TTLL6: variants seen among roughly 807,000 people sequenced by gnomAD.
TTLL6 encodes tubulin polyglutamylase TTLL6.
TTLL6 carries 75 observed loss-of-function variants against 96.4 expected under a neutral mutation model. The observed-to-expected ratio is 0.78, with a 90% CI of 0.65 to 0.94. The LOEUF (loss-of-function observed/expected upper bound fraction) is 0.94, where lower values mean the gene tolerates loss of function less well. Ranked by LOEUF, TTLL6 falls within the 40% of genes least tolerant of loss-of-function variation. The pLI, the probability that TTLL6 is intolerant of heterozygous loss-of-function variation, is 0.00. For missense variants in TTLL6, 1,030 were observed against 1,093.0 expected (o/e 0.94, Z 0.81); for synonymous variants, 411 against 419.4 (o/e 0.98, Z 0.24).
At chr17:48,807,263 T>A (rs2039519137) in intron 1 of TTLL6, among the ~76,000 whole-genome samples, 2 of 149,918 alleles carry the variant, frequency 1.3e-5, no homozygotes, top group Non-Finnish European at 3.0e-5. Flanking sequence ...GCTAGTTTTG[T>A]ATTTTTAGTA....
chr17:48,787,659 G>A (rs1023616153), intron 11 of TTLL6, 152 bp downstream of exon 11: 3 of 674,326 alleles, frequency 4.4e-6, no homozygotes, highest in Non-Finnish European at 7.3e-6. Context: ...GCCTCCTAAA[G>A]TGCTAGGACT....
chr17:48,806,606 A>G (rs1323736428), intron 1 of TTLL6, among the ~76,000 whole-genome samples: 1 of 152,062 alleles, frequency 6.6e-6, no homozygotes, highest in African/African-American at 2.4e-5. Context: ...ATACATTACA[A>G]TGTATTATCA....
At chr17:48,801,153 G>T (rs2039404769) in intron 5 of TTLL6, 102 bp downstream of exon 5, 2 of 1,047,852 alleles carry the variant, frequency 1.9e-6, no homozygotes, top group Non-Finnish European at 2.8e-6. Flanking sequence ...AGAGATGGGA[G>T]TTCATATGGG....
In TTLL6 at chr17:48,810,866, G is replaced by GTATATATATATATATATATATATATATA. The variant is rs2039579731; in HGVS notation, c.104-5876_104-5875insTATATATATATATATATATATATATATA. On this transcript the variant is annotated intron_variant, in intron 1 of 15. Transcript: ENST00000393382. ...ATATATATATATATAGTATGTGTGTGTATATATATGTAGTTGCCAACAACT... is the reference window on the plus strand; with the variant it reads ...ATATATATATATATAGTATGTGTGTGTATATATATATATATATATATATATATATATATATATGTAGTTGCCAACAACT... 4.5e-5 allele frequency among the ~76,000 whole-genome samples: 6 copies of GTATATATATATATATATATATATATATA among 132,144 alleles called. No homozygotes were observed. In the East Asian group the frequency reaches 1.2e-3, roughly 27 times the overall value. 86.7% of individuals were successfully genotyped at this position (132,144 alleles called of 152,430 possible). A position where few individuals can be genotyped will look rare whatever the true frequency, so the allele number is the denominator to read the frequency against.
At chr17:48,764,915 C>T (rs960738472) in intron 15 of TTLL6, among the ~76,000 whole-genome samples, 4 of 152,246 alleles carry the variant, frequency 2.6e-5, no homozygotes, top group Middle Eastern at 3.4e-3. Flanking sequence ...AATGCCTCCA[C>T]TGAAGAGCCA....
At chr17:48,763,293 A>G (rs2038525191) in intron 15 of TTLL6, among the ~76,000 whole-genome samples, 1 of 152,152 alleles carries the variant, frequency 6.6e-6, no homozygotes, top group Non-Finnish European at 1.5e-5. Flanking sequence ...TTGGAAAGAG[A>G]CAACAACAAT....
Position 48,807,605 on chromosome 17 carries a change from G to A in TTLL6, c.104-2614C>T, listed in dbSNP as rs148602049. ...CGGCTCACTGCAACCTCTGCCTCCT[G>A]GGTTCAAGCAATTCTTGTACTTCGG... is the stretch of plus-strand genomic sequence containing the variant. On this transcript the variant is annotated intron_variant, in intron 1 of 15. Transcript: ENST00000393382. Among the ~76,000 whole-genome samples the A allele has an allele frequency of 2.5e-3, 376 of 151,516 alleles. 6 individuals carry two copies. The highest frequency in any genetic ancestry group is 0.021 in the East Asian group (108 of 5,080).
At chr17:48,768,441 TTTG>T (rs1251915792) in intron 15 of TTLL6, among the ~76,000 whole-genome samples, 1 of 151,936 alleles carries the variant, frequency 6.6e-6, no homozygotes, top group Admixed American at 6.6e-5. Context: ...CAGCTAATTT[TTTG>T]TATTTTTAGT....
intron 13 of TTLL6, among the ~76,000 whole-genome samples, chr17:48,772,979 G>A (rs1597962354): frequency 6.6e-6 from 1 of 152,050 alleles, no homozygotes; most frequent in African/African-American, 2.4e-5. Flanking sequence ...ACTCCAGCCT[G>A]GGTGACAGAG....
At chr17:48,768,363 C>G (rs11654075) in intron 15 of TTLL6, among the ~76,000 whole-genome samples, 2 of 151,882 alleles carry the variant, frequency 1.3e-5, no homozygotes, top group Admixed American at 6.6e-5. Context: ...CTCTCCCTCC[C>G]GGGTTCAAGC....
chr17:48,814,852 T>A lies in TTLL6; in HGVS notation c.103+2118A>T, dbSNP rs571597977. Among the ~76,000 whole-genome samples the A allele has an allele frequency of 3.3e-5, 5 of 152,344 alleles. No individual in the cohort carries two copies. In the East Asian group the frequency reaches 7.7e-4, roughly 23 times the overall value. On this transcript the variant is annotated intron_variant, in intron 1 of 15. Transcript: ENST00000393382. ...TGGAGTGCAATGGCACGATCTCAGC[T>A]CACCGCAACCTCTGCCTCCTGGATT...
At chr17:48,791,748 G>A (rs2039229912) in intron 8 of TTLL6, 145 bp from the exon 9 acceptor site, 1 of 658,490 alleles carries the variant, frequency 1.5e-6, no homozygotes, top group African/African-American at 1.8e-5. Flanking sequence ...GTGACACCTG[G>A]GCTGTGTCGG....
intron 6 of TTLL6, among the ~76,000 whole-genome samples, chr17:48,798,666 G>A (rs774841672): frequency 5.9e-5 from 9 of 152,088 alleles, no homozygotes; most frequent in Non-Finnish European, 1.0e-4. Context: ...ATGAACTCAC[G>A]AGTTTGAGGT....
At chr17:48,774,230 G>GTGTTT (rs2038820213) in intron 13 of TTLL6, among the ~76,000 whole-genome samples, 1 of 117,742 alleles carries the variant, frequency 8.5e-6, no homozygotes, top group African/African-American at 3.1e-5. Context: ...ATCCAGGTTT[G>GTGTTT]TTGTTTTTTT....
intron 13 of TTLL6, among the ~76,000 whole-genome samples, chr17:48,773,092 T>C (rs1232028691): frequency 2.7e-5 from 2 of 72,942 alleles, no homozygotes; most frequent in African/African-American, 6.3e-5. Context: ...ATGGGCTTAA[T>C]GGCAGACAAA....
chr17:48,789,922 C>A lies in TTLL6; in HGVS notation c.1400+9G>T, dbSNP rs371586045. The stretch of plus-strand genomic sequence containing the variant: ...GAGAGCCCCGCAAGGCTGGGGAGTG[C>A]GAATGTACCTCATCTCCCGAGAACA... On this transcript the variant is annotated intron_variant, in intron 10 of 15. Coordinates refer to ENST00000393382, the MANE Select transcript of TTLL6 (RefSeq NM_001130918.3). 3.7e-6 allele frequency: 6 copies of A among 1,613,162 alleles called. No homozygotes were observed. The highest frequency in any genetic ancestry group is 5.1e-6 in the Non-Finnish European group (6 of 1,179,554).
chr17:48,768,959 A>G, intron 15 of TTLL6, 30 bp downstream of exon 15: 1 of 1,600,758 alleles, frequency 6.2e-7, no homozygotes, highest in Non-Finnish European at 8.5e-7. Context: ...CAACGCACCA[A>G]ATTCATTAAG....
At position 48,762,793 on chromosome 17, in the gene TTLL6, C is replaced by G. The variant is rs2038514141; in HGVS notation, c.*181G>C. 1.2e-5 allele frequency: 5 copies of G among 406,832 alleles called. No homozygotes were observed. The highest frequency in any genetic ancestry group is 9.1e-5 in the South Asian group (5 of 54,792). The allele number at this position is 406,832 out of a possible 1,614,324, so 25.2% of individuals were successfully genotyped here. On this transcript the variant is annotated 3_prime_UTR_variant, in exon 16 of 16. Coordinates refer to ENST00000393382, the MANE Select transcript of TTLL6 (RefSeq NM_001130918.3). Reference sequence around the variant, plus strand: ...GCACTGTAAGCTAACTGGGAGGGAACAGAGGCAGGGCTGTTGGCCCCATTG... The same window carrying G: ...GCACTGTAAGCTAACTGGGAGGGAAGAGAGGCAGGGCTGTTGGCCCCATTG...
chr17:48,779,393 A>G (rs1028973965), intron 13 of TTLL6, among the ~76,000 whole-genome samples: 3 of 150,598 alleles, frequency 2.0e-5, no homozygotes, highest in Non-Finnish European at 4.4e-5. Flanking sequence ...GATAACGCCA[A>G]AACGTTGACA....
Sources: allele counts gnomAD v4.1 joint callset (sites outside exome capture counted in the v4.1 genomes callset), GRCh38; gene constraint gnomAD v4.1.1; transcripts MANE v1.5; gene names NCBI Gene and HGNC (gene_info 2026-07-23, HGNC 2026-07-21).